PTK2B: variants seen among roughly 807,000 people sequenced by gnomAD.
PTK2B encodes the protein protein-tyrosine kinase 2-beta.
A neutral mutation model predicts 142.9 loss-of-function variants in PTK2B; 71 were observed. That is an observed-to-expected ratio of 0.50 (90% CI 0.41 to 0.61). The LOEUF (loss-of-function observed/expected upper bound fraction) is 0.61, where lower values mean the gene tolerates loss of function less well. PTK2B is among the 20% of genes least tolerant of loss of function. The pLI, the probability that PTK2B is intolerant of heterozygous loss-of-function variation, is 0.00. For synonymous variants in PTK2B, 519 were observed against 503.4 expected, an observed-to-expected ratio of 1.03 and a Z score of -0.42; for missense variants, 1,105 against 1,320.4, an observed-to-expected ratio of 0.84 and a Z score of 2.53.
chr8:27,457,570 A>G (rs987884568), intron 30 of PTK2B, among the ~76,000 whole-genome samples: 1 of 152,250 alleles, frequency 6.6e-6, no homozygotes, highest in African/African-American at 2.4e-5. Flanking sequence ...AGGATTTACC[A>G]TTCTAGATAA....
intron 3 of PTK2B, among the ~76,000 whole-genome samples, chr8:27,318,289 G>A (rs975340565): frequency 6.6e-6 from 1 of 152,156 alleles, no homozygotes; most frequent in Admixed American, 6.5e-5. Flanking sequence ...GGTGGGCTGG[G>A]ACCAGATCAC....
At chr8:27,324,978 C>T (rs1803327648), upstream of PTK2B, among the ~76,000 whole-genome samples, 1 of 152,230 alleles carries the variant, frequency 6.6e-6, no homozygotes, top group South Asian at 2.1e-4. Flanking sequence ...GTGCTGTCCT[C>T]AGACCCTACT....
Position 27,431,480 on chromosome 8 carries a change from G to T in PTK2B, c.885+8G>T, listed in dbSNP as rs2132035439. On this transcript the variant is annotated splice_region_variant and intron_variant, in intron 9 of 30. Transcript: ENST00000346049. ...ACTAGTCAGGACGCAAAGGTAGAGA[G>T]ACCCGGGGCAGCCCCACCCAGCCCC... The T allele has an allele frequency of 6.2e-7, 1 of 1,613,908 alleles. No individual in the cohort carries two copies. The highest frequency in any genetic ancestry group is 1.1e-5 in the South Asian group (1 of 91,080).
intron 1 of PTK2B, among the ~76,000 whole-genome samples, chr8:27,354,764 C>T (rs1805300781): frequency 1.3e-5 from 2 of 152,274 alleles, no homozygotes; most frequent in Admixed American, 6.5e-5. Context: ...GGTAAATGAG[C>T]TTGCCTTCCT....
chr8:27,311,565 G>C, exon 1 of PTK2B: 2 of 376,812 alleles, frequency 5.3e-6, no homozygotes, highest in Non-Finnish European at 9.5e-6. Flanking sequence ...TAGGGCTTCC[G>C]TGTTACTGGA....
chr8:27,388,820 T>C (rs7000336), intron 1 of PTK2B, among the ~76,000 whole-genome samples: 126,009 of 152,232 alleles, frequency 0.83, 52,689 homozygotes, highest in Middle Eastern at 0.95. Context: ...CCTGTGGCCT[T>C]CCAGCTCACA....
At chr8:27,434,824 AC>A (rs893296626) in intron 13 of PTK2B, among the ~76,000 whole-genome samples, 18 of 152,144 alleles carry the variant, frequency 1.2e-4, no homozygotes, top group African/African-American at 4.1e-4. Context: ...ACATGGTGAC[AC>A]CCCATTTCTA....
rs144302749 is a variant in PTK2B at position 27,398,474 on chromosome 8, C to T, written c.204+686C>T. Reference sequence around the variant, plus strand: ...TCCAACATGCTGAACTAATTTCAGTCATCTACATTTATTGAACAATTACTG... The same window carrying T: ...TCCAACATGCTGAACTAATTTCAGTTATCTACATTTATTGAACAATTACTG... On this transcript the variant is annotated intron_variant, in intron 2 of 30. Transcript: ENST00000346049. Among the ~76,000 whole-genome samples, 226 of 152,354 alleles carry T rather than the reference C, an allele frequency of 1.5e-3. 2 individuals carry two copies. In the Middle Eastern group the frequency reaches 0.031, roughly 21 times the overall value.
chr8:27,340,085 A>G (rs941962643), intron 1 of PTK2B, among the ~76,000 whole-genome samples: 1 of 152,212 alleles, frequency 6.6e-6, no homozygotes, highest in African/African-American at 2.4e-5. Context: ...TGACATGGTG[A>G]ATCTAAAGCC....
chr8:27,425,215 C>T (rs1810009137), intron 5 of PTK2B, among the ~76,000 whole-genome samples: 2 of 151,020 alleles, frequency 1.3e-5, no homozygotes, highest in African/African-American at 4.9e-5. Context: ...TGTTATGTTA[C>T]TATTGTATAG....
intron 6 of PTK2B, 30 bp from the exon 7 acceptor site, chr8:27,430,334 C>A: frequency 6.2e-7 from 1 of 1,614,064 alleles, no homozygotes; most frequent in South Asian, 1.1e-5. Flanking sequence ...GAGGGGGAGT[C>A]ACATGCTGCC....
intron 1 of PTK2B, among the ~76,000 whole-genome samples, chr8:27,381,564 G>A (rs760651718): frequency 2.0e-5 from 3 of 152,120 alleles, no homozygotes; most frequent in African/African-American, 4.8e-5. Flanking sequence ...TGGGCACTTC[G>A]GTTGATTTCC....
In PTK2B at chr8:27,350,993, ATAT is replaced by A. The variant is rs1805043666; in HGVS notation, c.-38+25313_-38+25315del. ...TCCGTCTCAAAAAAAAAAAAAAAAT[ATAT>A]ATATATATATATATATATATATATA... On this transcript the variant is annotated intron_variant, in intron 1 of 30. Coordinates refer to ENST00000346049, the MANE Select transcript of PTK2B (RefSeq NM_173176.3). Among the ~76,000 whole-genome samples the A allele has an allele frequency of 6.3e-3, 72 of 11,456 alleles. 23 individuals are homozygous for A. Among genetic ancestry groups the A allele is most frequent in the African/African-American group, 0.02 (58 of 2,906 alleles). The allele number at this position is 11,456 out of a possible 152,430, so 7.5% of individuals were successfully genotyped here.
At chr8:27,377,455 C>G (rs1029501154) in intron 1 of PTK2B, among the ~76,000 whole-genome samples, 1 of 152,200 alleles carries the variant, frequency 6.6e-6, no homozygotes, top group Non-Finnish European at 1.5e-5. Flanking sequence ...TGGGCCATGA[C>G]AGAGCTCCAG....
chr8:27,447,788 G>A (rs1811559732), intron 24 of PTK2B, among the ~76,000 whole-genome samples: 2 of 152,200 alleles, frequency 1.3e-5, no homozygotes, highest in South Asian at 2.1e-4. Flanking sequence ...GAACCTGGGA[G>A]GCAGAGGTTG....
chr8:27,379,688 CAT>C lies in PTK2B; in HGVS notation c.-37-17859_-37-17858del, dbSNP rs1406537666. Among the ~76,000 whole-genome samples the C allele has an allele frequency of 7.2e-5, 11 of 152,304 alleles. No individual in the cohort carries two copies. In the East Asian group the frequency reaches 1.7e-3, roughly 24 times the overall value. Reference sequence around the variant, plus strand: ...TCTCCTCATTACTTACCTTTTAGCACATGCAAGTTAATTTACGAGTGAGTCTC... The same window carrying C: ...TCTCCTCATTACTTACCTTTTAGCACGCAAGTTAATTTACGAGTGAGTCTC... On this transcript the variant is annotated intron_variant, in intron 1 of 30. Coordinates refer to ENST00000346049, the MANE Select transcript of PTK2B (RefSeq NM_173176.3).
At chr8:27,445,941 G>C (rs748583260) in intron 24 of PTK2B, 22 bp downstream of exon 24, 2 of 1,611,930 alleles carry the variant, frequency 1.2e-6, no homozygotes, top group South Asian at 2.2e-5. Flanking sequence ...CTGCATGCTG[G>C]TCCCTGCCCG....
chr8:27,313,738 G>A (rs1273660939), intron 3 of PTK2B, among the ~76,000 whole-genome samples: 1 of 152,142 alleles, frequency 6.6e-6, no homozygotes, highest in Non-Finnish European at 1.5e-5. Context: ...GTCTCTTAAT[G>A]TGCATGCCCA....
At chr8:27,397,139 C>T (rs919553007) in intron 1 of PTK2B, among the ~76,000 whole-genome samples, 1 of 152,186 alleles carries the variant, frequency 6.6e-6, no homozygotes, top group African/African-American at 2.4e-5. Flanking sequence ...CTGTTCCTCT[C>T]CTGCTATTTT....
Sources: gnomAD v4.1 joint callset for allele counts (sites outside exome capture counted in the v4.1 genomes callset) on GRCh38, gnomAD v4.1.1 for gene constraint, MANE v1.5 for transcripts, NCBI Gene and HGNC (gene_info 2026-07-23, HGNC 2026-07-21) for gene names.